The following MNAT1 variants were observed in gnomAD, a reference collection of about 807,000 sequenced individuals.
MNAT1 encodes the protein MNAT1 component of CDK activating kinase.
In MNAT1, 43 loss-of-function variants were observed where a neutral mutation model predicts 42.0. The observed-to-expected ratio is 1.02, with a 90% CI of 0.80 to 1.32. The LOEUF is 1.32. MNAT1 is among the 40% of genes most tolerant of loss of function. The pLI, the probability that MNAT1 is intolerant of heterozygous loss-of-function variation, is 0.00. For missense variants in MNAT1, 306 were observed against 350.4 expected, an observed-to-expected ratio of 0.87 and a Z score of 1.01; for synonymous variants, 118 against 120.0, an observed-to-expected ratio of 0.98 and a Z score of 0.11.
chr14:60,965,461 C>G (rs946118399), intron 7 of MNAT1, among the ~76,000 whole-genome samples: 1 of 152,102 alleles, frequency 6.6e-6, no homozygotes, highest in African/African-American at 2.4e-5. Flanking sequence ...ACTGGTGGTC[C>G]TCTGTTTTCC....
intron 6 of MNAT1, among the ~76,000 whole-genome samples, chr14:60,841,450 T>C (rs1201829219): frequency 6.6e-6 from 1 of 151,852 alleles, no homozygotes; most frequent in African/African-American, 2.4e-5. Context: ...ACACATAAAG[T>C]TGTGTGTGTT....
At chr14:60,816,158 G>A (rs995399278) in intron 5 of MNAT1, among the ~76,000 whole-genome samples, 5 of 151,856 alleles carry the variant, frequency 3.3e-5, no homozygotes, top group Non-Finnish European at 5.9e-5. Context: ...TTTGGTTCTG[G>A]TCTTTGTGCC....
At chr14:60,905,990 G>A (rs1469251884) in intron 7 of MNAT1, among the ~76,000 whole-genome samples, 2 of 152,164 alleles carry the variant, frequency 1.3e-5, no homozygotes, top group African/African-American at 4.8e-5. Flanking sequence ...GACAAATAAA[G>A]GATAAAAGGA....
chr14:60,912,341 T>C (rs1332174464), intron 7 of MNAT1, among the ~76,000 whole-genome samples: 1 of 152,140 alleles, frequency 6.6e-6, no homozygotes, highest in Non-Finnish European at 1.5e-5. Flanking sequence ...AATATTGTTA[T>C]GTGTGAATTT....
rs1185262929 is a variant in MNAT1 at position 60,969,409 on chromosome 14, A to G, written c.*1060A>G. 6.6e-6 allele frequency: 1 copy of G among 152,162 alleles called. No homozygotes were observed. The highest frequency in any genetic ancestry group is 1.5e-5 in the Non-Finnish European group (1 of 68,012). 9.4% of individuals were successfully genotyped at this position (152,162 alleles called of 1,614,324 possible). The stretch of plus-strand genomic sequence containing the variant: ...AAACAAGACTTGTGGTTACATTAGG[A>G]TGGACTATCCATCTGTAACAACTCC... On this transcript the variant is annotated 3_prime_UTR_variant, in exon 8 of 8. Transcript: ENST00000261245.
At chr14:60,782,332 A>G (rs1384656512) in intron 1 of MNAT1, among the ~76,000 whole-genome samples, 6 of 152,072 alleles carry the variant, frequency 3.9e-5, no homozygotes, top group Non-Finnish European at 8.8e-5. Flanking sequence ...GAGAAGGACT[A>G]CCTTACATGG....
chr14:60,881,836 T>C (rs1419806537), intron 7 of MNAT1, among the ~76,000 whole-genome samples: 1 of 152,266 alleles, frequency 6.6e-6, no homozygotes, highest in African/African-American at 2.4e-5. Context: ...TAAATTATGA[T>C]TGACTATAGT....
intron 6 of MNAT1, among the ~76,000 whole-genome samples, chr14:60,872,233 G>A (rs73311477): frequency 0.028 from 4,332 of 152,182 alleles, 198 homozygotes; most frequent in African/African-American, 0.099. Flanking sequence ...GCTCTCACGT[G>A]AACTAATAGA....
chr14:60,868,841 G>C (rs2034260537), intron 6 of MNAT1, among the ~76,000 whole-genome samples: 1 of 151,826 alleles, frequency 6.6e-6, no homozygotes, highest in South Asian at 2.1e-4. Flanking sequence ...TCAAAGTCTA[G>C]AGAAGGTAGA....
At chr14:60,942,292 C>G (rs562049109) in intron 7 of MNAT1, among the ~76,000 whole-genome samples, 1 of 152,290 alleles carries the variant, frequency 6.6e-6, no homozygotes, top group African/African-American at 2.4e-5. Flanking sequence ...CACAGGAAAA[C>G]TTGTCATTCT....
intron 6 of MNAT1, among the ~76,000 whole-genome samples, chr14:60,846,579 CT>C (rs1175943571): frequency 6.6e-6 from 1 of 152,132 alleles, no homozygotes; most frequent in African/African-American, 2.4e-5. Flanking sequence ...ACTGCTTTTG[CT>C]ACAATAATAT....
intron 1 of MNAT1, among the ~76,000 whole-genome samples, chr14:60,795,631 G>A (rs1437169177): frequency 6.6e-6 from 1 of 152,166 alleles, no homozygotes; most frequent in African/African-American, 2.4e-5. Context: ...CATGGCAGAA[G>A]TTGTGTTCAT....
intron 1 of MNAT1, among the ~76,000 whole-genome samples, chr14:60,769,249 A>G (rs1223091256): frequency 6.6e-6 from 1 of 152,126 alleles, no homozygotes; most frequent in Non-Finnish European, 1.5e-5. Context: ...AAGTGTATAC[A>G]TTATATATTT....
At chr14:60,921,889 A>G (rs1451910745) in intron 7 of MNAT1, among the ~76,000 whole-genome samples, 3 of 152,182 alleles carry the variant, frequency 2.0e-5, no homozygotes, top group Admixed American at 6.5e-5. Context: ...ACACAACTCA[A>G]TATAGTTTTA....
intron 6 of MNAT1, among the ~76,000 whole-genome samples, chr14:60,850,346 G>A (rs149445940): frequency 6.6e-6 from 1 of 152,190 alleles, no homozygotes; most frequent in African/African-American, 2.4e-5. Context: ...TTTATCAAAG[G>A]TATTCAAGTT....
chr14:60,964,487 G>A lies in MNAT1; in HGVS notation c.810-3742G>A, dbSNP rs4151404. ...TTTTTTAAGTCTTTGAGTTTAGTCTGCTTTCAGTAAAAATAAGGTATAGGT... is the reference window on the plus strand; with the variant it reads ...TTTTTTAAGTCTTTGAGTTTAGTCTACTTTCAGTAAAAATAAGGTATAGGT... On this transcript the variant is annotated intron_variant, in intron 7 of 7. Coordinates refer to ENST00000261245, the MANE Select transcript of MNAT1 (RefSeq NM_002431.4). Among the ~76,000 whole-genome samples, 776 of 152,222 alleles carry A rather than the reference G, an allele frequency of 5.1e-3. 15 individuals are homozygous for A. The highest frequency in any genetic ancestry group is 0.018 in the African/African-American group (728 of 41,538).
intron 3 of MNAT1, among the ~76,000 whole-genome samples, chr14:60,806,276 C>T (rs2032365986): frequency 6.6e-6 from 1 of 152,090 alleles, no homozygotes; most frequent in Non-Finnish European, 1.5e-5. Flanking sequence ...CAAAGTGTCT[C>T]ATAAGGAGGA....
chr14:60,916,921 C>T (rs1261390238), intron 7 of MNAT1, among the ~76,000 whole-genome samples: 1 of 151,996 alleles, frequency 6.6e-6, no homozygotes, highest in Non-Finnish European at 1.5e-5. Context: ...CCACTGCATT[C>T]CAGCCTGTGT....
intron 1 of MNAT1, among the ~76,000 whole-genome samples, chr14:60,752,889 C>T (rs1403868303): frequency 1.3e-5 from 2 of 152,248 alleles, no homozygotes; most frequent in Non-Finnish European, 1.5e-5. Context: ...CTCAGCTTCC[C>T]GAGTAGCTGG....
Sources: gnomAD v4.1 joint callset for allele counts (sites outside exome capture counted in the v4.1 genomes callset) on GRCh38, gnomAD v4.1.1 for gene constraint, MANE v1.5 for transcripts, NCBI Gene and HGNC (gene_info 2026-07-23, HGNC 2026-07-21) for gene names.